COL1A1: variants seen among roughly 807,000 people sequenced by gnomAD.
COL1A1 encodes collagen type I alpha 1 chain.
In COL1A1, 21 loss-of-function variants were observed where a neutral mutation model predicts 195.7. That is an observed-to-expected ratio of 0.11 (90% CI 0.08 to 0.15). The LOEUF (loss-of-function observed/expected upper bound fraction) is 0.15. Ranked by LOEUF, COL1A1 falls within the 10% of genes least tolerant of loss-of-function variation. COL1A1 has a pLI of 1.00. For synonymous variants in COL1A1, 749 were observed against 747.3 expected (o/e 1.00, Z -0.04); for missense variants, 1,365 against 2,051.0 (o/e 0.67, Z 6.46).
In COL1A1 at chr17:50,188,005, A is replaced by C. The variant is rs201227525; in HGVS notation, c.3262-22T>G. 8.7e-6 allele frequency: 14 copies of C among 1,614,004 alleles called. No homozygotes were observed. In the East Asian group the frequency reaches 3.1e-4, roughly 36 times the overall value. On this transcript the variant is annotated intron_variant, in intron 44 of 50. Transcript: ENST00000225964. The surrounding 1 kb of genome is among the most constrained non-coding windows in gnomAD (Gnocchi z 5.6). ...GTCCCTAGAAGAGAGAAAGGGACAA[A>C]CTGTCAGGCGGAAGTTCCATTGGCA... is the stretch of plus-strand genomic sequence containing the variant.
Position 50,185,823 on chromosome 17 carries a change from C to G in COL1A1, c.4203G>C (p.Glu1401Asp), listed in dbSNP as rs1598284051. ...CGCTGTAGGTGAAGCGGCTGTTGCCCTCGGCGCGGATCTCGATCTCGTTGG... is the reference window on the plus strand; with the variant it reads ...CGCTGTAGGTGAAGCGGCTGTTGCCGTCGGCGCGGATCTCGATCTCGTTGG... ...QGSNEIEIRA[E>D]GNSRFTYSVT... is the part of the protein sequence containing the mutation. The change falls in exon 50 of 51, where the codon GAG becomes GAC. Residue 1401 changes from glutamate to aspartate, a missense_variant. Physicochemically the swap from Glu to Asp is conservative, Grantham distance 45. Coordinates refer to ENST00000225964, the MANE Select transcript of COL1A1 (RefSeq NM_000088.4). 3 of 1,613,966 alleles carry G rather than the reference C, an allele frequency of 1.9e-6. No homozygotes were observed. The highest frequency in any genetic ancestry group is 1.7e-6 in the Non-Finnish European group (2 of 1,180,044).
intron 45 of COL1A1, 70 bp from the exon 46 acceptor site, chr17:50,187,607 G>T: frequency 6.4e-7 from 1 of 1,554,176 alleles, no homozygotes; most frequent in Non-Finnish European, 8.9e-7. Context: ...CCTGGCTGGA[G>T]AGACAAGGGC....
chr17:50,192,072 G>T lies in COL1A1; in HGVS notation c.1984-48C>A, dbSNP rs767426779. 5 of 1,592,702 alleles carry T rather than the reference G, an allele frequency of 3.1e-6. No homozygotes were observed. The South Asian group carries it at 3.4e-5, about 11-fold the overall frequency. The stretch of plus-strand genomic sequence containing the variant: ...CAGACAGTGAGCAAAACCCACCTGG[G>T]GCCACTCTGCTGGAAAGCACGGTCC... On this transcript the variant is annotated intron_variant, in intron 29 of 50. Transcript: ENST00000225964.
chr17:50,194,458 G>A lies in COL1A1; in HGVS notation c.1516-11C>T, dbSNP rs745643198. ...TTCACCAGCGGGACCCTGGTTGGGGGAAGTCACAGGAACAGTTAGGGTCTC... is the reference window on the plus strand; with the variant it reads ...TTCACCAGCGGGACCCTGGTTGGGGAAAGTCACAGGAACAGTTAGGGTCTC... On this transcript the variant is annotated splice_polypyrimidine_tract_variant and intron_variant, in intron 22 of 50. Coordinates refer to ENST00000225964, the MANE Select transcript of COL1A1 (RefSeq NM_000088.4). This position sits in a 1 kb window ranked among gnomAD's most constrained non-coding sequence, Gnocchi z 6.8. 1 of 1,613,794 alleles carries A rather than the reference G, an allele frequency of 6.2e-7. No homozygotes were observed. The highest frequency in any genetic ancestry group is 8.5e-7 in the Non-Finnish European group (1 of 1,179,778).
At position 50,195,103 on chromosome 17, in the gene COL1A1, G is replaced by T; in HGVS notation, c.1300-3C>A. The T allele has an allele frequency of 6.2e-7, 1 of 1,613,738 alleles. No individual in the cohort carries two copies. ...CTGCCAGGAGCACCAGGTTCACCCT[G>T]CAAGGGGGGAGAAGAGGATGAGCTG... On this transcript the variant is annotated splice_region_variant and splice_polypyrimidine_tract_variant and intron_variant, in intron 19 of 50. Transcript: ENST00000225964. This position sits in a 1 kb window ranked among gnomAD's most constrained non-coding sequence, Gnocchi z 4.3.
rs373386837 is a variant in COL1A1 at position 50,186,928 on chromosome 17, C to T, written c.3532-6G>A. 5.0e-6 allele frequency: 8 copies of T among 1,613,248 alleles called. No individual in the cohort carries two copies. Among genetic ancestry groups the T allele is most frequent in the Non-Finnish European group, 5.9e-6 (7 of 1,179,768 alleles). On this transcript the variant is annotated splice_region_variant and splice_polypyrimidine_tract_variant and intron_variant, in intron 47 of 50. Coordinates refer to ENST00000225964, the MANE Select transcript of COL1A1 (RefSeq NM_000088.4). The surrounding 1 kb of genome is among the most constrained non-coding windows in gnomAD (Gnocchi z 5.3). ...CCAGGAGGGCCGGGGGGACCCTGCA[C>T]AGAGAGGGAAGAGAGTGGGGATTAC...
At chr17:50,198,248 A>T in intron 6 of COL1A1, 43 bp from the exon 7 acceptor site, 1 of 1,610,280 alleles carries the variant, frequency 6.2e-7, no homozygotes, top group South Asian at 1.1e-5. Context: ...ATCCCTCTGT[A>T]GGAAAGCATG....
At position 50,192,515 on chromosome 17, in the gene COL1A1, G is replaced by A. The variant is rs1318067894; in HGVS notation, c.1943C>T (p.Pro648Leu). The stretch of plus-strand genomic sequence containing the variant: ...GCCTGCTTCACCTGGAGGACCAGCA[G>A]GACCAGGGAGACCCTGTAGGTGGGA... ...GSPGFQGLPG[P>L]AGPPGEAGKP... Residue 648 changes from proline to leucine, a missense_variant, in exon 29 of 51, where the codon CCT (proline) becomes CTT (leucine). By Grantham distance (98) the Pro-to-Leu change is moderately conservative. Transcript: ENST00000225964. The A allele has an allele frequency of 3.1e-6, 5 of 1,613,930 alleles. No individual in the cohort carries two copies. The African/African-American group carries it at 4.0e-5, about 13-fold the overall frequency.
rs1462280049 is a variant in COL1A1, at chr17:50,201,564, T to C, written c.-51A>G. 6.5e-7 allele frequency: 1 copy of C among 1,527,960 alleles called. No individual in the cohort carries two copies. The highest frequency in any genetic ancestry group is 8.9e-7 in the Non-Finnish European group (1 of 1,126,532). The allele number at this position is 1,527,960 out of a possible 1,614,324, so 94.7% of individuals were successfully genotyped here. A position where few individuals can be genotyped will look rare whatever the true frequency, so the allele number is the denominator to read the frequency against. ...TTTGTGGCTGGGGAGGGGGTTAGCGTCCGCTCATGCGTGGCCTCACACTCC... is the reference window on the plus strand; with the variant it reads ...TTTGTGGCTGGGGAGGGGGTTAGCGCCCGCTCATGCGTGGCCTCACACTCC... On this transcript the variant is annotated 5_prime_UTR_variant, in exon 1 of 51. Coordinates refer to ENST00000225964, the MANE Select transcript of COL1A1 (RefSeq NM_000088.4).
In COL1A1 at chr17:50,186,783, A is replaced by G; in HGVS notation, c.3671T>C (p.Val1224Ala). ...RYYRADDANVVRDRDLEVDTT... is the reference protein window; with the variant it reads ...RYYRADDANVARDRDLEVDTT... ...GTCCACCTCGAGGTCACGGTCACGA[A>G]CCACATTGGCATCATCAGCCCGGTA... is the stretch of plus-strand genomic sequence containing the variant. The change falls in exon 48 of 51, where the codon GTT becomes GCT. Residue 1224 changes from valine (V) to alanine (A), a missense_variant. Physicochemically the swap from Val to Ala is moderately conservative, Grantham distance 64. Around this residue, in one of 5 missense-constraint regions of COL1A1, gnomAD observed 273 missense variants for 338.6 expected, o/e 0.81. Transcript: ENST00000225964. The surrounding 1 kb of genome is among the most constrained non-coding windows in gnomAD (Gnocchi z 5.3). 6.2e-7 allele frequency: 1 copy of G among 1,614,158 alleles called. No homozygotes were observed. The highest frequency in any genetic ancestry group is 8.5e-7 in the Non-Finnish European group (1 of 1,180,034).
At chr17:50,199,662 AC>A in intron 2 of COL1A1, 72 bp from the exon 3 acceptor site, 3 of 1,611,308 alleles carry the variant, frequency 1.9e-6, no homozygotes, top group Non-Finnish European at 2.5e-6. Flanking sequence ...GGCCTCCAGC[AC>A]GGAGGGCCAG....
At chr17:50,193,473 CT>C in intron 25 of COL1A1, 1 of 236,820 alleles carries the variant, frequency 4.2e-6, no homozygotes, top group Non-Finnish European at 7.8e-6. Flanking sequence ...TTTTTTCTTT[CT>C]TTCTTTCTTC....
intron 4 of COL1A1, 24 bp from the exon 5 acceptor site, chr17:50,199,351 G>T: frequency 6.3e-7 from 1 of 1,594,624 alleles, no homozygotes; most frequent in Non-Finnish European, 8.5e-7. Flanking sequence ...GGGCGGGGCC[G>T]GGGTGAGCGT....
intron 25 of COL1A1, 38 bp downstream of exon 25, chr17:50,193,905 T>C (rs1907322604): frequency 6.3e-7 from 1 of 1,582,150 alleles, no homozygotes; most frequent in African/African-American, 1.3e-5. Flanking sequence ...CAGGTGTGTT[T>C]GTCCCTGGCT....
At chr17:50,197,638 A>G in intron 9 of COL1A1, 94 bp downstream of exon 9, 4 of 1,037,152 alleles carry the variant, frequency 3.9e-6, no homozygotes, top group African/African-American at 1.6e-5. Flanking sequence ...CCTTCCTCTG[A>G]GTATCGTTCC....
intron 29 of COL1A1, 113 bp downstream of exon 29, chr17:50,192,362 G>A (rs947779356): frequency 6.4e-6 from 8 of 1,241,972 alleles, no homozygotes; most frequent in East Asian, 5.1e-5. Context: ...AGTTCTTTCC[G>A]GCGTCTAACC....
At position 50,190,413 on chromosome 17, in the gene COL1A1, G is replaced by A. The variant is rs41316675; in HGVS notation, c.2398-33C>T. Reference sequence around the variant, plus strand: ...AAAAGGAGTCAGATTGGAGAGATGCGCTGACAGGAGGGAAGGCGGGGATGC... The same window carrying A: ...AAAAGGAGTCAGATTGGAGAGATGCACTGACAGGAGGGAAGGCGGGGATGC... On this transcript the variant is annotated intron_variant, in intron 34 of 50. Coordinates refer to ENST00000225964, the MANE Select transcript of COL1A1 (RefSeq NM_000088.4). This position sits in a 1 kb window ranked among gnomAD's most constrained non-coding sequence, Gnocchi z 4.7. 2.1e-5 allele frequency: 34 copies of A among 1,598,752 alleles called. No homozygotes were observed. The highest frequency in any genetic ancestry group is 2.4e-5 in the Non-Finnish European group (28 of 1,166,398).
chr17:50,191,325 A>G (rs1907054263), intron 32 of COL1A1, 58 bp downstream of exon 32: 1 of 1,422,744 alleles, frequency 7.0e-7, no homozygotes, highest in Non-Finnish European at 9.9e-7. Context: ...TGAGAGATTC[A>G]AAGCAGGCAG....
rs369670483 is a variant in COL1A1 at position 50,188,102 on chromosome 17, G to T, written c.3255C>A (p.Gly1085=). Residue 1085 remains glycine, a synonymous_variant, in exon 44 of 51, where the codon GGC becomes GGA. Coordinates refer to ENST00000225964, the MANE Select transcript of COL1A1 (RefSeq NM_000088.4). The surrounding 1 kb of genome is among the most constrained non-coding windows in gnomAD (Gnocchi z 5.6). ...GACACAGCAGGGTACTTACGGCGGG[G>T]CCACGGGCGCCAACAGGGCCGACAG... ...AGPVGPVGAR[G]PAGPQGPRGD... is the part of the protein sequence containing the mutation. The T allele has an allele frequency of 6.3e-7, 1 of 1,592,338 alleles. No individual in the cohort carries two copies. Among genetic ancestry groups the T allele is most frequent in the African/African-American group, 1.3e-5 (1 of 74,498 alleles).
Sources: allele counts gnomAD v4.1 joint callset, GRCh38; gene constraint gnomAD v4.1.1; regional missense constraint gnomAD v4.1.1; non-coding constraint Gnocchi (gnomAD v3.1); transcripts MANE v1.5; gene names NCBI Gene and HGNC (gene_info 2026-07-23, HGNC 2026-07-21).